The following ZNF366 variants were observed in gnomAD, a reference collection of about 807,000 sequenced individuals.
ZNF366 encodes zinc finger protein 366, also known as dendritic cell-specific transcript protein.
ZNF366 carries 20 observed loss-of-function variants against 47.2 expected under a neutral mutation model. The ratio of observed to expected loss-of-function variants is 0.42; its 90% confidence interval spans 0.30 to 0.62. ZNF366 has a LOEUF of 0.62. ZNF366 is among the 20% of genes least tolerant of loss of function. The pLI, the probability that ZNF366 is intolerant of heterozygous loss-of-function variation, is 0.16. For synonymous variants in ZNF366, 421 were observed against 395.1 expected, an observed-to-expected ratio of 1.07 and a Z score of -0.78; for missense variants, 987 against 976.3, an observed-to-expected ratio of 1.01 and a Z score of -0.15.
intron 1 of ZNF366, among the ~76,000 whole-genome samples, chr5:72,482,547 T>C (rs1011770973): frequency 1.2e-4 from 18 of 152,168 alleles, no homozygotes; most frequent in African/African-American, 4.1e-4. Flanking sequence ...GCCCTAAAGA[T>C]TGAATATTCT....
chr5:72,494,677 C>T (rs1162449805), intron 1 of ZNF366, among the ~76,000 whole-genome samples: 1 of 148,060 alleles, frequency 6.8e-6, no homozygotes, highest in East Asian at 2.0e-4. Flanking sequence ...GACAGGGATT[C>T]ACAGATAATT....
At chr5:72,503,250 C>T (rs1243282703) in intron 1 of ZNF366, among the ~76,000 whole-genome samples, 1 of 152,126 alleles carries the variant, frequency 6.6e-6, no homozygotes, top group African/African-American at 2.4e-5. Flanking sequence ...TAGGACATTC[C>T]TTATTCCATA....
At chr5:72,505,764 C>A (rs1362300437) in intron 1 of ZNF366, among the ~76,000 whole-genome samples, 1 of 152,214 alleles carries the variant, frequency 6.6e-6, no homozygotes, top group African/African-American at 2.4e-5. Context: ...ATGCCCTCGA[C>A]AATCTATTCC....
chr5:72,446,001 A>C (rs1480536323), intron 4 of ZNF366, among the ~76,000 whole-genome samples: 1 of 152,200 alleles, frequency 6.6e-6, no homozygotes, highest in Non-Finnish European at 1.5e-5. Flanking sequence ...TTTGTTTCAC[A>C]CTGTGTGTGC....
intron 1 of ZNF366, among the ~76,000 whole-genome samples, chr5:72,505,904 C>T (rs1308704305): frequency 6.6e-6 from 1 of 152,130 alleles, no homozygotes; most frequent in Non-Finnish European, 1.5e-5. Context: ...ATTCACGTCT[C>T]TTTACATTGC....
intron 1 of ZNF366, among the ~76,000 whole-genome samples, chr5:72,481,772 A>G (rs1395070922): frequency 6.6e-6 from 1 of 152,234 alleles, no homozygotes; most frequent in Non-Finnish European, 1.5e-5. Flanking sequence ...TGAGATAATT[A>G]TTTCATGACG....
In ZNF366 at chr5:72,443,660, C is replaced by T; in HGVS notation, c.*96G>A. The T allele has an allele frequency of 1.5e-6, 2 of 1,307,286 alleles. No individual in the cohort carries two copies. The highest frequency in any genetic ancestry group is 2.1e-6 in the Non-Finnish European group (2 of 956,602). The allele number at this position is 1,307,286 out of a possible 1,614,324, so 81.0% of individuals were successfully genotyped here. ...TCTAAGCCATTTGTAGAGATTGGTA[C>T]TATTCGCCAGTCTCCAGAAAATGAC... On this transcript the variant is annotated 3_prime_UTR_variant, in exon 5 of 5. Transcript: ENST00000318442.
At chr5:72,488,797 T>C (rs952153385) in intron 1 of ZNF366, among the ~76,000 whole-genome samples, 3 of 152,186 alleles carry the variant, frequency 2.0e-5, no homozygotes, top group Non-Finnish European at 4.4e-5. Context: ...ATGCACCCAC[T>C]ATAGGAGAGC....
chr5:72,487,470 C>T (rs1743913752), intron 1 of ZNF366, among the ~76,000 whole-genome samples: 1 of 152,228 alleles, frequency 6.6e-6, no homozygotes, highest in African/African-American at 2.4e-5. Context: ...CAAGTCATTT[C>T]CATATGCCTT....
chr5:72,457,587 G>A (rs1743216501), intron 2 of ZNF366, among the ~76,000 whole-genome samples: 1 of 152,160 alleles, frequency 6.6e-6, no homozygotes, highest in South Asian at 2.1e-4. Flanking sequence ...GACTCTCTCT[G>A]TCTATGTTTC....
chr5:72,491,700 C>T (rs1744013624), intron 1 of ZNF366, among the ~76,000 whole-genome samples: 2 of 152,182 alleles, frequency 1.3e-5, no homozygotes, highest in Admixed American at 1.3e-4. Flanking sequence ...GTTTTCCTAA[C>T]AACACTGGTA....
At chr5:72,448,788 C>T (rs1390890613) in intron 3 of ZNF366, among the ~76,000 whole-genome samples, 5 of 152,302 alleles carry the variant, frequency 3.3e-5, no homozygotes, top group Non-Finnish European at 5.9e-5. Flanking sequence ...GAGTGTTGAG[C>T]TCGTCTTGAA....
intron 1 of ZNF366, among the ~76,000 whole-genome samples, chr5:72,501,799 G>A (rs1263824642): frequency 6.6e-6 from 1 of 152,184 alleles, no homozygotes; most frequent in East Asian, 1.9e-4. Flanking sequence ...CATCTGCCCA[G>A]AAAATAAATG....
chr5:72,465,895 C>G (rs1743420416), intron 1 of ZNF366, among the ~76,000 whole-genome samples: 1 of 152,138 alleles, frequency 6.6e-6, no homozygotes, highest in African/African-American at 2.4e-5. Context: ...GTTTGATTTT[C>G]TCATTCATGA....
intron 3 of ZNF366, among the ~76,000 whole-genome samples, chr5:72,447,757 A>T (rs1312289005): frequency 6.6e-6 from 1 of 152,250 alleles, no homozygotes; most frequent in African/African-American, 2.4e-5. Context: ...GAATGTGATT[A>T]TGTGTTTAAT....
At chr5:72,467,928 G>C (rs1289839231) in intron 1 of ZNF366, among the ~76,000 whole-genome samples, 2 of 152,116 alleles carry the variant, frequency 1.3e-5, no homozygotes, top group African/African-American at 4.8e-5. Context: ...CAAAGGGTAG[G>C]GGGTGGGGAG....
At chr5:72,454,492 T>C (rs1743140970) in intron 3 of ZNF366, among the ~76,000 whole-genome samples, 1 of 152,190 alleles carries the variant, frequency 6.6e-6, no homozygotes, top group African/African-American at 2.4e-5. Context: ...TAACCCTATA[T>C]TTCAGGAACG....
intron 1 of ZNF366, among the ~76,000 whole-genome samples, chr5:72,498,409 T>A (rs2112356460): frequency 6.6e-6 from 1 of 152,334 alleles, no homozygotes; most frequent in African/African-American, 2.4e-5. Flanking sequence ...TTCACTGATC[T>A]GCCATCCATT....
chr5:72,497,604 T>C (rs530617070), intron 1 of ZNF366, among the ~76,000 whole-genome samples: 1 of 152,308 alleles, frequency 6.6e-6, no homozygotes, highest in East Asian at 1.9e-4. Flanking sequence ...GGCAGATACA[T>C]TGCATTGTAG....
Sources: allele counts gnomAD v4.1 joint callset (sites outside exome capture counted in the v4.1 genomes callset), GRCh38; gene constraint gnomAD v4.1.1; transcripts MANE v1.5; gene names NCBI Gene and HGNC (gene_info 2026-07-23, HGNC 2026-07-21).